COG5: variants seen among roughly 807,000 people sequenced by gnomAD.
COG5 encodes component of oligomeric golgi complex 5.
COG5 carries 86 observed loss-of-function variants against 110.4 expected under a neutral mutation model. That is an observed-to-expected ratio of 0.78 (90% confidence interval 0.65 to 0.93). The LOEUF is 0.93. COG5 is among the 40% of genes least tolerant of loss of function. The pLI is 0.00. For missense variants in COG5, 1,077 were observed against 987.0 expected, an observed-to-expected ratio of 1.09 and a Z score of -1.22; for synonymous variants, 360 against 334.6, an observed-to-expected ratio of 1.08 and a Z score of -0.83.
intron 10 of COG5, among the ~76,000 whole-genome samples, chr7:107,324,974 C>G (rs570234131): frequency 6.6e-6 from 1 of 151,952 alleles, no homozygotes; most frequent in Non-Finnish European, 1.5e-5. Flanking sequence ...GTGACTATAA[C>G]AAAATGATAG....
intron 16 of COG5, among the ~76,000 whole-genome samples, chr7:107,249,682 G>A (rs575045641): frequency 3.7e-4 from 52 of 140,066 alleles, no homozygotes; most frequent in East Asian, 4.2e-4. Flanking sequence ...AATATACAAC[G>A]TACAGGATTG....
chr7:107,472,335 T>C (rs1036667053), intron 6 of COG5: 1 of 151,888 alleles, frequency 6.6e-6, no homozygotes, highest in Non-Finnish European at 1.5e-5. Context: ...GTCAATGATA[T>C]CATGTATCAA....
At chr7:107,452,528 T>G (rs529092943) in intron 6 of COG5, among the ~76,000 whole-genome samples, 1 of 152,146 alleles carries the variant, frequency 6.6e-6, no homozygotes, top group African/African-American at 2.4e-5. Flanking sequence ...TGAATAAGTC[T>G]CACAAGATCT....
chr7:107,457,115 A>G (rs1795709801), intron 6 of COG5, among the ~76,000 whole-genome samples: 1 of 152,228 alleles, frequency 6.6e-6, no homozygotes, highest in Admixed American at 6.5e-5. Flanking sequence ...ACAAAATTAC[A>G]TGACAAAGAT....
chr7:107,232,388 T>C (rs1401949800), intron 18 of COG5, among the ~76,000 whole-genome samples: 3 of 152,222 alleles, frequency 2.0e-5, no homozygotes, highest in African/African-American at 7.2e-5. Context: ...TTGATATAAT[T>C]CCATTCAAAT....
At chr7:107,389,572 G>A (rs1188160255) in intron 7 of COG5, among the ~76,000 whole-genome samples, 2 of 152,136 alleles carry the variant, frequency 1.3e-5, no homozygotes, top group South Asian at 2.1e-4. Context: ...GGAAAGTAAC[G>A]GATTTCACTT....
intron 12 of COG5, among the ~76,000 whole-genome samples, chr7:107,290,548 T>C (rs896026959): frequency 5.9e-5 from 9 of 152,240 alleles, no homozygotes; most frequent in African/African-American, 2.2e-4. Flanking sequence ...ATTCGAATTA[T>C]CTGGGGTCAC....
rs528660842 is a variant in COG5, at chr7:107,485,322, G to T, written c.538+41915C>A. Among the ~76,000 whole-genome samples the T allele has an allele frequency of 9.4e-4, 143 of 152,284 alleles. 1 individual carries two copies. Among genetic ancestry groups the T allele is most frequent in the Non-Finnish European group, 7.6e-4 (52 of 68,026 alleles). ...GAAATTTCTGATCCTCAAAACTGAT[G>T]ATTTGATTCAAAGATACAGTTAGAG... On this transcript the variant is annotated intron_variant, in intron 6 of 21. Coordinates refer to ENST00000297135, the MANE Select transcript of COG5 (RefSeq NM_006348.5).
At chr7:107,354,047 C>T (rs996781759) in intron 10 of COG5, among the ~76,000 whole-genome samples, 1 of 152,092 alleles carries the variant, frequency 6.6e-6, no homozygotes, top group Non-Finnish European at 1.5e-5. Context: ...AAAGTATATA[C>T]TTTAGAATTA....
chr7:107,312,992 T>C (rs1196938628), intron 11 of COG5, among the ~76,000 whole-genome samples: 2 of 152,098 alleles, frequency 1.3e-5, no homozygotes, highest in African/African-American at 2.4e-5. Flanking sequence ...TAGGTGTAAA[T>C]CTTCAAAAAG....
chr7:107,491,488 G>A (rs1797969682), intron 6 of COG5, among the ~76,000 whole-genome samples: 1 of 152,124 alleles, frequency 6.6e-6, no homozygotes, highest in South Asian at 2.1e-4. Context: ...TCTTTTCCCA[G>A]GTGAAGGCTC....
chr7:107,257,050 T>C (rs936266305), intron 15 of COG5, among the ~76,000 whole-genome samples: 1 of 152,160 alleles, frequency 6.6e-6, no homozygotes, highest in African/African-American at 2.4e-5. Context: ...TTTATTCATG[T>C]TACATAGGTT....
intron 14 of COG5, among the ~76,000 whole-genome samples, chr7:107,268,281 A>G (rs1490256472): frequency 1.3e-5 from 2 of 152,220 alleles, no homozygotes; most frequent in East Asian, 3.8e-4. Flanking sequence ...GAAATTCTTT[A>G]TATATAGTCC....
At chr7:107,406,556 C>A (rs978673442) in intron 7 of COG5, among the ~76,000 whole-genome samples, 1 of 151,810 alleles carries the variant, frequency 6.6e-6, no homozygotes, top group Non-Finnish European at 1.5e-5. Flanking sequence ...GTGCACAAGA[C>A]AATAAAATAT....
chr7:107,299,635 T>G (rs565296565), intron 11 of COG5, among the ~76,000 whole-genome samples: 1 of 151,794 alleles, frequency 6.6e-6, no homozygotes, highest in African/African-American at 2.4e-5. Flanking sequence ...CAATTCCCAA[T>G]TCATTCTGAG....
chr7:107,314,183 A>G (rs1353657575), intron 11 of COG5, among the ~76,000 whole-genome samples: 1 of 152,230 alleles, frequency 6.6e-6, no homozygotes, highest in Non-Finnish European at 1.5e-5. Flanking sequence ...TATAAAAGAA[A>G]AATAACAATT....
chr7:107,286,723 C>T (rs1379458925), intron 12 of COG5, among the ~76,000 whole-genome samples: 2 of 151,944 alleles, frequency 1.3e-5, no homozygotes, highest in Admixed American at 1.3e-4. Flanking sequence ...TGTTTTTTTC[C>T]CTCTTACAAC....
intron 6 of COG5, among the ~76,000 whole-genome samples, chr7:107,419,590 G>A (rs556505089): frequency 3.4e-4 from 51 of 148,050 alleles, no homozygotes; most frequent in African/African-American, 1.2e-3. Flanking sequence ...TTTTTGAGAC[G>A]GAGTTTCACT....
intron 11 of COG5, among the ~76,000 whole-genome samples, chr7:107,315,409 G>C (rs1386960741): frequency 2.6e-5 from 4 of 152,046 alleles, no homozygotes; most frequent in Admixed American, 1.3e-4. Flanking sequence ...TAACTTGTAT[G>C]AACAACTTCT....
Sources: gnomAD v4.1 joint callset for allele counts (sites outside exome capture counted in the v4.1 genomes callset) on GRCh38, gnomAD v4.1.1 for gene constraint, MANE v1.5 for transcripts, NCBI Gene and HGNC (gene_info 2026-07-23, HGNC 2026-07-21) for gene names.